TNKS: variants seen among roughly 807,000 people sequenced by gnomAD.
TNKS encodes the protein poly [ADP-ribose] polymerase tankyrase-1.
Under a neutral mutation model 135.8 loss-of-function variants are expected in TNKS, and 72 were observed. The observed-to-expected ratio is 0.53, with a 90% CI of 0.44 to 0.64. TNKS has a LOEUF of 0.64. TNKS is among the 30% of genes least tolerant of loss of function. TNKS has a pLI of 0.00. For missense variants in TNKS, 1,769 were observed against 1,674.0 expected (o/e 1.06, Z -0.99); for synonymous variants, 849 against 649.3 (o/e 1.31, Z -4.68).
At position 9,609,578 on chromosome 8, in the gene TNKS, A is replaced by T. The variant is rs963753385; in HGVS notation, c.899-6004A>T. On this transcript the variant is annotated intron_variant, in intron 2 of 26. Coordinates refer to ENST00000310430, the MANE Select transcript of TNKS (RefSeq NM_003747.3). ...CTTGATCAGTAATTGCCTTCAGAAC[A>T]ATGACAGCTTCCATACACGTTTACC... is the stretch of plus-strand genomic sequence containing the variant. Among the ~76,000 whole-genome samples the T allele has an allele frequency of 4.6e-5, 7 of 152,182 alleles. No individual in the cohort carries two copies. The South Asian group carries it at 1.4e-3, about 32-fold the overall frequency.
intron 3 of TNKS, among the ~76,000 whole-genome samples, chr8:9,631,519 A>G (rs34926681): frequency 0.1 from 15,661 of 152,272 alleles, 1,148 homozygotes; most frequent in East Asian, 0.23. Context: ...TTGGCATTCT[A>G]TCATTTTGAT....
chr8:9,556,894 T>G lies in TNKS; in HGVS notation c.673+282T>G, dbSNP rs938029717. 9.2e-6 allele frequency: 5 copies of G among 541,138 alleles called. No homozygotes were observed. The East Asian group carries it at 1.4e-4, about 16-fold the overall frequency. The allele number at this position is 541,138 out of a possible 1,614,324, so 33.5% of individuals were successfully genotyped here. ...CTCTGCATATGGATATATTTACACT[T>G]TAGTTTTTGGTGTGCAGGAATACAG... On this transcript the variant is annotated intron_variant, in intron 1 of 26. Coordinates refer to ENST00000310430, the MANE Select transcript of TNKS (RefSeq NM_003747.3).
chr8:9,767,318 CT>C (rs1410721849), intron 25 of TNKS, among the ~76,000 whole-genome samples: 1 of 152,144 alleles, frequency 6.6e-6, no homozygotes, highest in African/African-American at 2.4e-5. Flanking sequence ...GAAAAAAGTA[CT>C]TTCCCTTTCC....
intron 11 of TNKS, among the ~76,000 whole-genome samples, chr8:9,716,774 C>G (rs756023254): frequency 2.0e-5 from 3 of 151,724 alleles, no homozygotes; most frequent in Non-Finnish European, 4.4e-5. Context: ...CTGGTTCATT[C>G]TTCTTTCTGC....
At chr8:9,759,987 C>CAA (rs1233204829) in intron 20 of TNKS, among the ~76,000 whole-genome samples, 1 of 129,412 alleles carries the variant, frequency 7.7e-6, no homozygotes, top group African/African-American at 2.9e-5. Context: ...CAAAAGAAAA[C>CAA]AAAACAAAAA....
chr8:9,605,112 C>G (rs1039375786), intron 2 of TNKS, among the ~76,000 whole-genome samples: 9 of 152,204 alleles, frequency 5.9e-5, no homozygotes, highest in African/African-American at 2.2e-4. Flanking sequence ...AACTACCACT[C>G]TAATCAAAAT....
chr8:9,687,863 C>A (rs937372489), intron 5 of TNKS, among the ~76,000 whole-genome samples: 3 of 152,236 alleles, frequency 2.0e-5, no homozygotes, highest in African/African-American at 7.2e-5. Context: ...TATGATACTT[C>A]AGCATCTGTT....
At chr8:9,649,684 A>G (rs1801065595) in intron 3 of TNKS, among the ~76,000 whole-genome samples, 2 of 150,764 alleles carry the variant, frequency 1.3e-5, no homozygotes, top group African/African-American at 4.9e-5. Flanking sequence ...CTTTGCATCC[A>G]TATAGCTTAG....
chr8:9,578,000 GA>G (rs1798020198), intron 1 of TNKS, among the ~76,000 whole-genome samples: 1 of 152,166 alleles, frequency 6.6e-6, no homozygotes, highest in Non-Finnish European at 1.5e-5. Flanking sequence ...CATGGACTTC[GA>G]AACCCAGCAG....
chr8:9,559,563 G>C (rs1011578447), intron 1 of TNKS, among the ~76,000 whole-genome samples: 2 of 150,998 alleles, frequency 1.3e-5, no homozygotes, highest in African/African-American at 2.4e-5. Flanking sequence ...GAGCATAGTA[G>C]CAGATAGGTA....
At chr8:9,734,051 T>C (rs1585392462) in intron 15 of TNKS, among the ~76,000 whole-genome samples, 1 of 152,148 alleles carries the variant, frequency 6.6e-6, no homozygotes, top group Non-Finnish European at 1.5e-5. Flanking sequence ...TTTTTTTAAC[T>C]ACGGAAAAAA....
At chr8:9,696,374 T>C (rs142388367) in intron 5 of TNKS, among the ~76,000 whole-genome samples, 221 of 152,020 alleles carry the variant, frequency 1.5e-3, no homozygotes, top group African/African-American at 5.2e-3. Flanking sequence ...CAAATAATGC[T>C]AATAAGGTCA....
chr8:9,697,934 A>G (rs1401190140), intron 5 of TNKS, among the ~76,000 whole-genome samples: 1 of 152,194 alleles, frequency 6.6e-6, no homozygotes, highest in African/African-American at 2.4e-5. Flanking sequence ...TATCATACCA[A>G]AAAGATACAT....
intron 3 of TNKS, among the ~76,000 whole-genome samples, chr8:9,645,116 A>C (rs1471352675): frequency 1.3e-5 from 2 of 152,176 alleles, no homozygotes; most frequent in Non-Finnish European, 2.9e-5. Context: ...AGACAGGCGT[A>C]AGTCACCTAC....
At chr8:9,646,118 C>G (rs1563139315) in intron 3 of TNKS, among the ~76,000 whole-genome samples, 1 of 152,126 alleles carries the variant, frequency 6.6e-6, no homozygotes, top group African/African-American at 2.4e-5. Flanking sequence ...TCCATTTGGG[C>G]TTACTTGTAT....
In TNKS at chr8:9,720,351, G is replaced by T. The variant is rs1049428200; in HGVS notation, c.1750-23G>T. The T allele has an allele frequency of 2.6e-6, 4 of 1,556,168 alleles. No individual in the cohort carries two copies. The African/African-American group carries it at 5.5e-5, about 21-fold the overall frequency. Reference sequence around the variant, plus strand: ...AACTAAACAAGATGCTCAATTCCATGTGCCCACGCAATGATTTTTCAGATG... The same window carrying T: ...AACTAAACAAGATGCTCAATTCCATTTGCCCACGCAATGATTTTTCAGATG... On this transcript the variant is annotated intron_variant, in intron 11 of 26. Coordinates refer to ENST00000310430, the MANE Select transcript of TNKS (RefSeq NM_003747.3).
At chr8:9,590,037 A>G (rs1486582451) in intron 2 of TNKS, among the ~76,000 whole-genome samples, 2 of 152,228 alleles carry the variant, frequency 1.3e-5, no homozygotes, top group African/African-American at 2.4e-5. Context: ...AGGTGGTGAC[A>G]GCAGAGCATT....
At chr8:9,704,001 CTG>C (rs1803935433) in intron 5 of TNKS, among the ~76,000 whole-genome samples, 1 of 152,160 alleles carries the variant, frequency 6.6e-6, no homozygotes, top group Non-Finnish European at 1.5e-5. Context: ...TGGGAAGAAA[CTG>C]TATTCCTCTC....
At chr8:9,613,789 C>T (rs183868393) in intron 2 of TNKS, among the ~76,000 whole-genome samples, 511 of 152,268 alleles carry the variant, frequency 3.4e-3, no homozygotes, top group Non-Finnish European at 5.1e-3. Context: ...AGTTAAAATA[C>T]GGGTTAAAAC....
Sources: gnomAD v4.1 joint callset for allele counts (sites outside exome capture counted in the v4.1 genomes callset) on GRCh38, gnomAD v4.1.1 for gene constraint, MANE v1.5 for transcripts, NCBI Gene and HGNC (gene_info 2026-07-23, HGNC 2026-07-21) for gene names.